GRID2: variants seen among roughly 807,000 people sequenced by gnomAD.
GRID2 encodes glutamate ionotropic receptor delta type subunit 2.
Under a neutral mutation model 114.8 loss-of-function variants are expected in GRID2, and 33 were observed. The ratio of observed to expected loss-of-function variants is 0.29; its 90% CI spans 0.22 to 0.38. The LOEUF is 0.38. GRID2 is among the 10% of genes least tolerant of loss of function. The pLI is 1.00. For missense variants in GRID2, 1,184 were observed against 1,257.7 expected (o/e 0.94, Z 0.89); for synonymous variants, 505 against 449.9 (o/e 1.12, Z -1.55).
At chr4:92,335,925 T>G in intron 1 of GRID2, among the ~76,000 whole-genome samples, 1 of 152,158 alleles carries the variant, frequency 6.6e-6, no homozygotes, top group Admixed American at 6.5e-5. Context: ...TCACTGTTTT[T>G]TACTTTATTT....
chr4:93,789,576 C>T (rs1368475676), intron 1 of GRID2, among the ~76,000 whole-genome samples: 1 of 152,156 alleles, frequency 6.6e-6, no homozygotes, highest in Non-Finnish European at 1.5e-5. Flanking sequence ...CCACACTTTT[C>T]CTTTTTATTC....
At chr4:93,099,696 G>C (rs1396332359) in intron 3 of GRID2, among the ~76,000 whole-genome samples, 1 of 151,778 alleles carries the variant, frequency 6.6e-6, no homozygotes. Flanking sequence ...TTTCAAACTA[G>C]AGTCAGTACA....
At chr4:92,601,716 C>G (rs763023620) in intron 2 of GRID2, among the ~76,000 whole-genome samples, 12 of 151,902 alleles carry the variant, frequency 7.9e-5, no homozygotes, top group Non-Finnish European at 1.3e-4. Context: ...ATGAAAAACA[C>G]TTCAAAAATA....
intron 13 of GRID2, among the ~76,000 whole-genome samples, chr4:93,572,058 T>C (rs17020782): frequency 0.033 from 5,049 of 152,216 alleles, 301 homozygotes; most frequent in African/African-American, 0.11. Flanking sequence ...CTGGTTGGCC[T>C]TCCTCTGAGG....
chr4:92,837,292 A>G (rs1401020575), intron 2 of GRID2, among the ~76,000 whole-genome samples: 3 of 152,014 alleles, frequency 2.0e-5, no homozygotes, highest in Non-Finnish European at 4.4e-5. Context: ...TTCCTGAGAA[A>G]GGAACTCAAA....
intron 2 of GRID2, among the ~76,000 whole-genome samples, chr4:92,593,476 T>C (rs1262998703): frequency 6.6e-6 from 1 of 152,008 alleles, no homozygotes; most frequent in Non-Finnish European, 1.5e-5. Flanking sequence ...GTTTTGGAAA[T>C]CTTCCTTTGT....
chr4:92,779,304 C>G (rs1738959061), intron 2 of GRID2, among the ~76,000 whole-genome samples: 1 of 151,426 alleles, frequency 6.6e-6, no homozygotes, highest in Non-Finnish European at 1.5e-5. Flanking sequence ...CAATGCAAAC[C>G]AAGTTTCTGG....
chr4:92,653,251 G>A (rs1181059284), intron 2 of GRID2, among the ~76,000 whole-genome samples: 1 of 149,734 alleles, frequency 6.7e-6, no homozygotes, highest in Non-Finnish European at 1.5e-5. Flanking sequence ...AGCCCCGCTC[G>A]GCCTCCCAAA....
chr4:92,594,825 GA>G (rs894961600), intron 2 of GRID2, among the ~76,000 whole-genome samples: 11 of 151,850 alleles, frequency 7.2e-5, no homozygotes, highest in African/African-American at 2.7e-4. Context: ...ATGTTTTTGT[GA>G]AAAACACTGC....
At chr4:93,068,934 G>A (rs1056248428) in intron 2 of GRID2, among the ~76,000 whole-genome samples, 1 of 151,946 alleles carries the variant, frequency 6.6e-6, no homozygotes, top group African/African-American at 2.4e-5. Flanking sequence ...GGCTTCTGGG[G>A]ATGTCTCAGG....
At chr4:93,380,581 T>C (rs1419713808) in intron 8 of GRID2, among the ~76,000 whole-genome samples, 1 of 151,670 alleles carries the variant, frequency 6.6e-6, no homozygotes, top group East Asian at 1.9e-4. Flanking sequence ...TGAGTTGCAG[T>C]TGGGAAACAT....
At chr4:92,798,870 T>C (rs1251698612) in intron 2 of GRID2, among the ~76,000 whole-genome samples, 1 of 152,016 alleles carries the variant, frequency 6.6e-6, no homozygotes, top group Non-Finnish European at 1.5e-5. Context: ...TGGCTACGAA[T>C]TAACTGAAAT....
chr4:93,230,887 G>A (rs1746052948), intron 7 of GRID2, among the ~76,000 whole-genome samples: 1 of 151,968 alleles, frequency 6.6e-6, no homozygotes, highest in African/African-American at 2.4e-5. Flanking sequence ...TTACATTGTT[G>A]TAGCTTCTCA....
intron 14 of GRID2, among the ~76,000 whole-genome samples, chr4:93,726,355 G>C (rs1484748990): frequency 6.6e-6 from 1 of 152,034 alleles, no homozygotes; most frequent in Admixed American, 6.6e-5. Flanking sequence ...TCTCTGTTTT[G>C]GTACCAGTAC....
At chr4:92,658,850 ATATG>A (rs1459278313) in intron 2 of GRID2, among the ~76,000 whole-genome samples, 5 of 148,222 alleles carry the variant, frequency 3.4e-5, no homozygotes, top group African/African-American at 1.2e-4. Context: ...TTGTATGTGT[ATATG>A]TATCACATTT....
chr4:93,424,196 T>C (rs1395588988), intron 10 of GRID2, among the ~76,000 whole-genome samples: 2 of 151,974 alleles, frequency 1.3e-5, no homozygotes, highest in Non-Finnish European at 2.9e-5. Flanking sequence ...TAAATATTTA[T>C]TGTCTTTTAA....
intron 2 of GRID2, among the ~76,000 whole-genome samples, chr4:92,915,324 G>A (rs2149495200): frequency 6.6e-6 from 1 of 152,218 alleles, no homozygotes; most frequent in East Asian, 1.9e-4. Flanking sequence ...ACATCTAGAT[G>A]TCTATGCTGT....
intron 8 of GRID2, among the ~76,000 whole-genome samples, chr4:93,354,038 C>A (rs1560531079): frequency 6.6e-6 from 1 of 151,260 alleles, no homozygotes; most frequent in East Asian, 1.9e-4. Flanking sequence ...CACACACACA[C>A]ACACATATGC....
chr4:92,467,747 T>C lies in GRID2; in HGVS notation c.89-122384T>C, dbSNP rs115015288. Among the ~76,000 whole-genome samples the C allele has an allele frequency of 5.9e-3, 902 of 152,064 alleles. 7 individuals carry two copies. Among genetic ancestry groups the C allele is most frequent in the African/African-American group, 0.02 (842 of 41,510 alleles). On this transcript the variant is annotated intron_variant, in intron 1 of 15. Coordinates refer to ENST00000282020, the MANE Select transcript of GRID2 (RefSeq NM_001510.4). Reference sequence around the variant, plus strand: ...CTCAAATTAATGTGTACACATGTTATGGAAAAAAATAATGCAGTGATCAAT... The same window carrying C: ...CTCAAATTAATGTGTACACATGTTACGGAAAAAAATAATGCAGTGATCAAT...
Sources: gnomAD v4.1 joint callset for allele counts (sites outside exome capture counted in the v4.1 genomes callset) on GRCh38, gnomAD v4.1.1 for gene constraint, MANE v1.5 for transcripts, NCBI Gene and HGNC (gene_info 2026-07-23, HGNC 2026-07-21) for gene names.